The following OLA1 variants were observed in gnomAD, a reference collection of about 807,000 sequenced individuals.
OLA1 encodes the protein Obg like ATPase 1, also known as obg-like ATPase 1.
A neutral mutation model predicts 48.4 loss-of-function variants in OLA1; 14 were observed. The ratio of observed to expected loss-of-function variants is 0.29; its 90% CI spans 0.19 to 0.45. The LOEUF (loss-of-function observed/expected upper bound fraction) is 0.45. Ranked by LOEUF, OLA1 falls within the 20% of genes least tolerant of loss-of-function variation. The pLI, the probability that OLA1 is intolerant of heterozygous loss-of-function variation, is 1.00. For missense variants in OLA1, 325 were observed against 467.1 expected, an observed-to-expected ratio of 0.70 and a Z score of 2.80; for synonymous variants, 127 against 150.4, an observed-to-expected ratio of 0.84 and a Z score of 1.14.
intron 7 of OLA1, among the ~76,000 whole-genome samples, chr2:174,122,522 T>C (rs747819237): frequency 3.9e-5 from 6 of 152,164 alleles, no homozygotes; most frequent in Non-Finnish European, 7.4e-5. Context: ...TACTTAAGAG[T>C]CCAGTGAGGC....
intron 4 of OLA1, among the ~76,000 whole-genome samples, chr2:174,185,429 G>A (rs530691646): frequency 1.3e-5 from 2 of 152,276 alleles, no homozygotes; most frequent in African/African-American, 4.8e-5. Context: ...AAATAGGTAG[G>A]CAAAAGAAGA....
In OLA1 at chr2:174,137,956, G is replaced by T. The variant is rs963868469; in HGVS notation, c.549+3869C>A. Among the ~76,000 whole-genome samples, 3 of 152,174 alleles carry T rather than the reference G, an allele frequency of 2.0e-5. No individual in the cohort carries two copies. The East Asian group carries it at 5.8e-4, about 29-fold the overall frequency. On this transcript the variant is annotated intron_variant, in intron 5 of 10. Coordinates refer to ENST00000284719, the MANE Select transcript of OLA1 (RefSeq NM_013341.5). Reference sequence around the variant, plus strand: ...GCAAGAGGATCACTTAAGCCCAGGGGTTTGGAACCAGCCTGGGCAACACAG... The same window carrying T: ...GCAAGAGGATCACTTAAGCCCAGGGTTTTGGAACCAGCCTGGGCAACACAG...
chr2:174,241,829 T>C (rs35988866), intron 2 of OLA1, among the ~76,000 whole-genome samples: 24,778 of 152,018 alleles, frequency 0.16, 2,147 homozygotes, highest in East Asian at 0.29. Context: ...AGACATGGGG[T>C]TTCACCATGT....
intron 4 of OLA1, among the ~76,000 whole-genome samples, chr2:174,160,646 C>A (rs1448932128): frequency 6.6e-6 from 1 of 152,146 alleles, no homozygotes; most frequent in Non-Finnish European, 1.5e-5. Context: ...CTTGACTTCT[C>A]GAGACAGCAT....
At chr2:174,129,469 A>AAATAAAT (rs1686126701) in intron 5 of OLA1, among the ~76,000 whole-genome samples, 1 of 148,954 alleles carries the variant, frequency 6.7e-6, no homozygotes, top group African/African-American at 2.5e-5. Context: ...ATAAATAAAT[A>AAATAAAT]AATAAATAAA....
At chr2:174,223,478 G>A (rs923386311) in intron 3 of OLA1, among the ~76,000 whole-genome samples, 2 of 151,986 alleles carry the variant, frequency 1.3e-5, no homozygotes, top group Admixed American at 6.6e-5. Context: ...ACTCAAAAGC[G>A]GTGAAGAATG....
chr2:174,226,214 A>AG (rs1234804492), intron 3 of OLA1, among the ~76,000 whole-genome samples: 1 of 39,884 alleles, frequency 2.5e-5, no homozygotes, highest in African/African-American at 7.8e-5. Flanking sequence ...AAAAAAAAAA[A>AG]AAAGAAAATG....
At chr2:174,197,030 C>T (rs1411465901) in intron 4 of OLA1, among the ~76,000 whole-genome samples, 3 of 152,090 alleles carry the variant, frequency 2.0e-5, no homozygotes, top group African/African-American at 4.8e-5. Flanking sequence ...TATTTTTTAA[C>T]ATTTGTTCTA....
At chr2:174,152,523 C>T (rs1686769485) in intron 4 of OLA1, among the ~76,000 whole-genome samples, 1 of 152,278 alleles carries the variant, frequency 6.6e-6, no homozygotes, top group South Asian at 2.1e-4. Flanking sequence ...CACAAAATAA[C>T]TAATAGCACA....
intron 4 of OLA1, among the ~76,000 whole-genome samples, chr2:174,163,551 T>A (rs190279676): frequency 9.3e-4 from 140 of 150,964 alleles, no homozygotes; most frequent in Non-Finnish European, 1.6e-3. Flanking sequence ...TAGCCGGGCA[T>A]GGTGGCAGGC....
chr2:174,214,595 TTTGTGGTTA>T (rs1440846996), intron 4 of OLA1, among the ~76,000 whole-genome samples: 2 of 152,116 alleles, frequency 1.3e-5, no homozygotes, highest in Non-Finnish European at 2.9e-5. Context: ...TTCCTTATCC[TTTGTGGTTA>T]GGGCCCTTGG....
intron 7 of OLA1, among the ~76,000 whole-genome samples, chr2:174,112,866 C>T (rs138998421): frequency 6.6e-6 from 1 of 152,196 alleles, no homozygotes; most frequent in African/African-American, 2.4e-5. Context: ...CAGCAGAAAA[C>T]AAACTAACAC....
intron 4 of OLA1, among the ~76,000 whole-genome samples, chr2:174,202,489 T>C (rs1482228042): frequency 5.3e-5 from 8 of 152,230 alleles, no homozygotes; most frequent in African/African-American, 1.9e-4. Context: ...CTTGTGTTTT[T>C]TTCATTGTGT....
chr2:174,162,077 C>T (rs16862445), intron 4 of OLA1, among the ~76,000 whole-genome samples: 38,352 of 151,874 alleles, frequency 0.25, 6,808 homozygotes, highest in East Asian at 0.71. Context: ...GGGGGACAGA[C>T]GAAGTTCACA....
chr2:174,076,426 A>AT (rs1428589886), intron 10 of OLA1, among the ~76,000 whole-genome samples: 1 of 152,170 alleles, frequency 6.6e-6, no homozygotes, highest in Non-Finnish European at 1.5e-5. Flanking sequence ...TTTGGGGGAA[A>AT]TTCTCAAAAG....
At chr2:174,235,851 G>A (rs537559010) in intron 2 of OLA1, among the ~76,000 whole-genome samples, 2 of 152,258 alleles carry the variant, frequency 1.3e-5, no homozygotes, top group South Asian at 4.1e-4. Context: ...AACAGAGTAG[G>A]ATGAACAGTT....
intron 4 of OLA1, among the ~76,000 whole-genome samples, chr2:174,144,325 T>C (rs1686528715): frequency 6.6e-6 from 1 of 152,126 alleles, no homozygotes; most frequent in South Asian, 2.1e-4. Context: ...ATTGTTATAT[T>C]CCTTTGTATT....
rs890121483 is a variant in OLA1, at chr2:174,180,702, A to G, written c.374-38702T>C. Among the ~76,000 whole-genome samples, 21 of 152,248 alleles carry G rather than the reference A, an allele frequency of 1.4e-4. 1 individual carries two copies. Among genetic ancestry groups the G allele is most frequent in the African/African-American group, 5.1e-4 (21 of 41,462 alleles). On this transcript the variant is annotated intron_variant, in intron 4 of 10. Transcript: ENST00000284719. ...CTACTTGGCCCTAACCGAATATTCA[A>G]GTATGAAAATACAAGTTACACTGGA...
intron 2 of OLA1, among the ~76,000 whole-genome samples, chr2:174,231,392 C>T (rs1169264374): frequency 1.3e-5 from 2 of 152,000 alleles, no homozygotes; most frequent in African/African-American, 2.4e-5. Flanking sequence ...AAATAAAATG[C>T]TATTGCATTT....
Sources: gnomAD v4.1 joint callset for allele counts (sites outside exome capture counted in the v4.1 genomes callset) on GRCh38, gnomAD v4.1.1 for gene constraint, MANE v1.5 for transcripts, NCBI Gene and HGNC (gene_info 2026-07-23, HGNC 2026-07-21) for gene names.